SLC28A1: variants seen among roughly 807,000 people sequenced by gnomAD.
SLC28A1 encodes sodium/nucleoside cotransporter 1.
In SLC28A1, 64 loss-of-function variants were observed where a neutral mutation model predicts 74.8. The observed-to-expected ratio is 0.86, with a 90% CI of 0.70 to 1.05. SLC28A1 has a LOEUF of 1.05. Among genes scored for constraint, SLC28A1 ranks in the 50% least tolerant of loss-of-function variants. The pLI, the probability that SLC28A1 is intolerant of heterozygous loss-of-function variation, is 0.00. For synonymous variants in SLC28A1, 359 were observed against 335.0 expected (o/e 1.07, Z -0.78); for missense variants, 828 against 822.8 (o/e 1.01, Z -0.08).
At chr15:84,912,158 C>CA (rs1428769264) in intron 9 of SLC28A1, among the ~76,000 whole-genome samples, 14 of 152,200 alleles carry the variant, frequency 9.2e-5, no homozygotes, top group Admixed American at 9.2e-4. Flanking sequence ...TCTCACTAAT[C>CA]ACAACATTTT....
At chr15:84,962,658 C>G in the SLC28A1 span, among the ~76,000 whole-genome samples, 2 of 152,200 alleles carry the variant, frequency 1.3e-5, no homozygotes, top group South Asian at 4.1e-4. Flanking sequence ...AGGCTGGTCT[C>G]AAACTCCTAG....
the SLC28A1 span, among the ~76,000 whole-genome samples, chr15:84,974,894 G>A: frequency 6.6e-6 from 1 of 152,120 alleles, no homozygotes; most frequent in Admixed American, 6.5e-5. Flanking sequence ...AACTTCTGGG[G>A]CCTCAGCATT....
At chr15:84,906,528 G>A (rs11632721) in intron 8 of SLC28A1, among the ~76,000 whole-genome samples, 1 of 61,996 alleles carries the variant, frequency 1.6e-5, no homozygotes, top group South Asian at 3.4e-4. Context: ...TTGTTTGTTT[G>A]TTTCTTTCTT....
At chr15:84,927,186 C>T in intron 12 of SLC28A1, among the ~76,000 whole-genome samples, 1 of 152,120 alleles carries the variant, frequency 6.6e-6, no homozygotes, top group East Asian at 1.9e-4. Flanking sequence ...ACCCCACCAC[C>T]AATTGTTTTT....
At chr15:84,925,131 G>C (rs947259373) in intron 12 of SLC28A1, among the ~76,000 whole-genome samples, 7 of 137,588 alleles carry the variant, frequency 5.1e-5, no homozygotes, top group Non-Finnish European at 9.1e-5. Context: ...ATGTTGGCCA[G>C]GATGGTCTCG....
rs567987011 is a variant in SLC28A1 at position 84,908,919 on chromosome 15, G to A, written c.795+124G>A. 2.7e-4 allele frequency: 211 copies of A among 783,924 alleles called. 3 individuals carry two copies. Among genetic ancestry groups the A allele is most frequent in the South Asian group, 2.6e-3 (184 of 70,222 alleles). The allele number at this position is 783,924 out of a possible 1,614,324, so 48.6% of individuals were successfully genotyped here. On this transcript the variant is annotated intron_variant, in intron 9 of 18. Coordinates refer to ENST00000394573, the MANE Select transcript of SLC28A1 (RefSeq NM_004213.5). ...AGGAGTCCTGTGGGCAGAGGTCGCC[G>A]TACTGGGAAGTTAGTGAACCTTAAG...
At chr15:84,966,741 T>C in the SLC28A1 span, among the ~76,000 whole-genome samples, 1 of 152,284 alleles carries the variant, frequency 6.6e-6, no homozygotes, top group East Asian at 1.9e-4. Context: ...CATCAGATCG[T>C]GTGAGTCTTA....
chr15:84,930,614 C>CATT (rs1971150997), intron 12 of SLC28A1, among the ~76,000 whole-genome samples: 1 of 103,502 alleles, frequency 9.7e-6, no homozygotes, highest in African/African-American at 4.1e-5. Flanking sequence ...CTGCCCTCTG[C>CATT]TTTTTTTTTT....
chr15:84,945,636 T>C lies in SLC28A1; in HGVS notation c.*436T>C. 2 of 258,882 alleles carry C rather than the reference T, an allele frequency of 7.7e-6. No individual in the cohort carries two copies. The highest frequency in any genetic ancestry group is 1.5e-5 in the Non-Finnish European group (2 of 131,996). The allele number at this position is 258,882 out of a possible 1,614,324, so 16.0% of individuals were successfully genotyped here. ...CTGTGGCTTCCCCTGCTGGGTGGTG[T>C]CACCTCTTTCTCTGCTTTCAGAGAA... On this transcript the variant is annotated 3_prime_UTR_variant, in exon 19 of 19. Transcript: ENST00000394573.
the SLC28A1 span, among the ~76,000 whole-genome samples, chr15:84,966,325 C>T: frequency 6.6e-6 from 1 of 152,216 alleles, no homozygotes; most frequent in East Asian, 1.9e-4. Flanking sequence ...CCTCAGCCTC[C>T]CAAAGTGCTG....
chr15:84,897,162 G>A (rs1334102244), intron 6 of SLC28A1, among the ~76,000 whole-genome samples: 4 of 150,898 alleles, frequency 2.7e-5, no homozygotes, highest in African/African-American at 9.7e-5. Context: ...GGATCATGAG[G>A]TCAGGAGATG....
chr15:84,969,533 C>G, the SLC28A1 span, among the ~76,000 whole-genome samples: 1 of 151,876 alleles, frequency 6.6e-6, no homozygotes, highest in East Asian at 1.9e-4. Context: ...CACCCTGCCC[C>G]CCGACTCGGA....
intron 9 of SLC28A1, 53 bp from the exon 10 acceptor site, chr15:84,918,471 C>T (rs958999239): frequency 2.2e-4 from 318 of 1,450,144 alleles, no homozygotes; most frequent in Middle Eastern, 1.8e-3. Flanking sequence ...CCGCCTGGCA[C>T]CCTGCATCCT....
intron 4 of SLC28A1, 99 bp downstream of exon 4, chr15:84,888,959 C>G: frequency 1.2e-6 from 1 of 832,248 alleles, no homozygotes; most frequent in Non-Finnish European, 2.0e-6. Flanking sequence ...GTTGGGGGGA[C>G]GTGAACCTTT....
Position 84,895,091 on chromosome 15 carries a change from G to A in SLC28A1, c.429G>A (p.Gln143=). The change falls in exon 6 of 19, where the codon CAG becomes CAA. Residue 143 remains glutamine, a synonymous_variant. Transcript: ENST00000394573. ...GPKLRRFLKP[Q]GHPRLLLWFK... ...AGCTGAGGAGGTTTCTCAAGCCTCA[G>A]GGCCATCCCCGCCTGCTGCTCTGGT... The A allele has an allele frequency of 6.2e-7, 1 of 1,613,908 alleles. No individual in the cohort carries two copies. The highest frequency in any genetic ancestry group is 8.5e-7 in the Non-Finnish European group (1 of 1,179,856).
At chr15:84,891,373 A>T (rs1282219707) in intron 5 of SLC28A1, among the ~76,000 whole-genome samples, 1 of 152,132 alleles carries the variant, frequency 6.6e-6, no homozygotes, top group African/African-American at 2.4e-5. Context: ...TGCTCGGGTG[A>T]TAGGAGGATG....
In SLC28A1 at chr15:84,918,520, G is replaced by A. The variant is rs1969410546; in HGVS notation, c.796-4G>A. 1.2e-6 allele frequency: 2 copies of A among 1,613,086 alleles called. No individual in the cohort carries two copies. Among genetic ancestry groups the A allele is most frequent in the Non-Finnish European group, 1.7e-6 (2 of 1,179,182 alleles). ...CTGCGGTCCTATGATCTCCTTCCCG[G>A]CAGGTTCTGCCCATCATTGTCTTTT... On this transcript the variant is annotated splice_polypyrimidine_tract_variant and splice_region_variant and intron_variant, in intron 9 of 18. Transcript: ENST00000394573.
At chr15:84,913,774 G>A (rs940936469) in intron 9 of SLC28A1, among the ~76,000 whole-genome samples, 2 of 152,130 alleles carry the variant, frequency 1.3e-5, no homozygotes, top group Non-Finnish European at 2.9e-5. Context: ...GCCATAAACT[G>A]GGTGGTTACA....
intron 2 of SLC28A1, 126 bp from the exon 3 acceptor site, chr15:84,887,619 G>A: frequency 1.3e-6 from 2 of 1,536,272 alleles, no homozygotes; most frequent in Non-Finnish European, 1.8e-6. Context: ...TGGCCCCCAG[G>A]CAGGGCTCTG....
Sources: allele counts gnomAD v4.1 joint callset (sites outside exome capture counted in the v4.1 genomes callset), GRCh38; gene constraint gnomAD v4.1.1; transcripts MANE v1.5; gene names NCBI Gene and HGNC (gene_info 2026-07-23, HGNC 2026-07-21).